RFC2: variants seen among roughly 807,000 people sequenced by gnomAD.
RFC2 encodes the protein replication factor C subunit 2.
A neutral mutation model predicts 44.8 loss-of-function variants in RFC2; 34 were observed. The ratio of observed to expected loss-of-function variants is 0.76; its 90% CI spans 0.58 to 1.01. The LOEUF (loss-of-function observed/expected upper bound fraction) is 1.01. Among genes scored for constraint, RFC2 ranks in the 50% least tolerant of loss-of-function variants. RFC2 has a pLI of 0.00. For synonymous variants in RFC2, 177 were observed against 168.9 expected, an observed-to-expected ratio of 1.05 and a Z score of -0.37; for missense variants, 400 against 453.6, an observed-to-expected ratio of 0.88 and a Z score of 1.07.
In RFC2 at chr7:74,235,643, A is replaced by C; in HGVS notation, c.843T>G (p.Ile281Met). Residue 281 changes from isoleucine to methionine, a missense_variant and splice_region_variant, in exon 10 of 11, where the codon ATT becomes ATG. Coordinates refer to ENST00000055077, the MANE Select transcript of RFC2 (RefSeq NM_181471.3). ...VNANIDEAYK[I>M]LAHLWHLGYS... ...AGCCCAGATGCCACAAGTGAGCAAG[A>C]ATCTAGACAAAGGAGACAGAAAAGG... 6.3e-7 allele frequency: 1 copy of C among 1,598,920 alleles called. No individual in the cohort carries two copies. The highest frequency in any genetic ancestry group is 8.6e-7 in the Non-Finnish European group (1 of 1,166,130).
intron 8 of RFC2, 43 bp from the exon 9 acceptor site, chr7:74,237,485 C>G: frequency 7.2e-7 from 1 of 1,386,696 alleles, no homozygotes; most frequent in Non-Finnish European, 9.9e-7. Context: ...CTAGAAGGGA[C>G]AATGTGAGCG....
At chr7:74,241,503 C>G (rs782089014) in intron 6 of RFC2, among the ~76,000 whole-genome samples, 1 of 152,184 alleles carries the variant, frequency 6.6e-6, no homozygotes, top group Non-Finnish European at 1.5e-5. Context: ...TTTGGTAATG[C>G]GCTCGTCGGC....
At position 74,254,335 on chromosome 7, in the gene RFC2, C is replaced by G. The variant is rs1431763268; in HGVS notation, c.49G>C (p.Asp17His). Residue 17 changes from aspartate to histidine, a missense_variant, in exon 1 of 11, where the codon GAC becomes CAC. By Grantham distance (81) the Asp-to-His change is moderately conservative (BLOSUM62 -1). Transcript: ENST00000055077. Reference sequence around the variant, plus strand: ...CTGAAGGCAGGGGCAGGGTCAGAGTCCTGGGCCTCCACCTCGCCCGCGCCA... The same window carrying G: ...CTGAAGGCAGGGGCAGGGTCAGAGTGCTGGGCCTCCACCTCGCCCGCGCCA... ...CGGAGEVEAQ[D>H]SDPAPAFSKA... is the part of the protein sequence containing the mutation. 1 of 1,611,488 alleles carries G rather than the reference C, an allele frequency of 6.2e-7. No individual in the cohort carries two copies. The highest frequency in any genetic ancestry group is 8.5e-7 in the Non-Finnish European group (1 of 1,179,224).
chr7:74,237,758 A>C (rs915032451), intron 8 of RFC2, among the ~76,000 whole-genome samples: 3 of 152,178 alleles, frequency 2.0e-5, no homozygotes, highest in Non-Finnish European at 4.4e-5. Context: ...TTGGGGGGTC[A>C]GTTGCCCAGA....
At chr7:74,251,991 C>G (rs1554721163) in intron 2 of RFC2, among the ~76,000 whole-genome samples, 3 of 138,610 alleles carry the variant, frequency 2.2e-5, no homozygotes, top group Non-Finnish European at 3.1e-5. Flanking sequence ...CCCAGTTACT[C>G]CGGAGGCTGA....
chr7:74,237,332 C>T, intron 9 of RFC2, 30 bp downstream of exon 9: 1 of 1,552,090 alleles, frequency 6.4e-7, no homozygotes, highest in Non-Finnish European at 8.8e-7. Context: ...TGAGCGGTTC[C>T]TCTGCCAGGA....
At chr7:74,235,734 A>G in intron 9 of RFC2, 89 bp from the exon 10 acceptor site, 2 of 848,766 alleles carry the variant, frequency 2.4e-6, no homozygotes, top group African/African-American at 1.7e-5. Flanking sequence ...GGTGGGGCCC[A>G]CCCTTCAGGT....
rs1554717236 is a variant in RFC2 at position 74,232,077 on chromosome 7, C to T, written c.*29G>A. 2 of 1,349,306 alleles carry T rather than the reference C, an allele frequency of 1.5e-6. No homozygotes were observed. The highest frequency in any genetic ancestry group is 2.9e-5 in the African/African-American group (2 of 69,740). 83.6% of individuals were successfully genotyped at this position (1,349,306 alleles called of 1,614,324 possible). On this transcript the variant is annotated 3_prime_UTR_variant, in exon 11 of 11. Transcript: ENST00000055077. ...GGCTCCTGTACCTCAGAATAGGGCA[C>T]CTGTAAGTCAGTCAGTGAAGTCTCT...
chr7:74,237,642 A>T (rs1803096966), intron 8 of RFC2, among the ~76,000 whole-genome samples, 200 bp from the exon 9 acceptor site: 1 of 152,204 alleles, frequency 6.6e-6, no homozygotes, highest in South Asian at 2.1e-4. Context: ...CCAGGAAGAT[A>T]AATTTCCCAA....
At chr7:74,246,132 G>A (rs1803588571) in intron 5 of RFC2, among the ~76,000 whole-genome samples, 1 of 151,712 alleles carries the variant, frequency 6.6e-6, no homozygotes, top group African/African-American at 2.4e-5. Context: ...GGAGGCGGAG[G>A]TTGCAGTGAG....
chr7:74,254,357 G>A lies in RFC2; in HGVS notation c.27C>T (p.Gly9=). The A allele has an allele frequency of 1.9e-6, 3 of 1,608,828 alleles. No individual in the cohort carries two copies. Among genetic ancestry groups the A allele is most frequent in the Non-Finnish European group, 2.5e-6 (3 of 1,177,858 alleles). The change falls in exon 1 of 11, where the codon GGC becomes GGT. Residue 9 remains glycine, a synonymous_variant. Coordinates refer to ENST00000055077, the MANE Select transcript of RFC2 (RefSeq NM_181471.3). ...AGTCCTGGGCCTCCACCTCGCCCGC[G>A]CCACCACAGACGGCCTCCACCTCCA... MEVEAVCG[G]AGEVEAQDSD... is the part of the protein sequence containing the mutation.
intron 3 of RFC2, 51 bp downstream of exon 3, chr7:74,249,688 C>T (rs781997707): frequency 6.8e-6 from 10 of 1,469,436 alleles, no homozygotes; most frequent in Admixed American, 6.7e-5. Flanking sequence ...GTTCAGCGGA[C>T]AGTGGGATGA....
At chr7:74,244,096 C>CAAAAAAAAAAA (rs1179272254) in intron 5 of RFC2, among the ~76,000 whole-genome samples, 4 of 41,624 alleles carry the variant, frequency 9.6e-5, no homozygotes, top group Admixed American at 2.9e-4. Flanking sequence ...ACTAAAAATA[C>CAAAAAAAAAAA]AAAAAAAAAA....
chr7:74,252,992 G>A (rs1554721399), intron 1 of RFC2, among the ~76,000 whole-genome samples: 1 of 152,192 alleles, frequency 6.6e-6, no homozygotes, highest in Admixed American at 6.6e-5. Flanking sequence ...CATTTGAAAA[G>A]TTAAAGGCAT....
At chr7:74,239,141 C>T (rs961958938) in intron 7 of RFC2, among the ~76,000 whole-genome samples, 153 bp from the exon 8 acceptor site, 7 of 149,788 alleles carry the variant, frequency 4.7e-5, no homozygotes, top group African/African-American at 1.7e-4. Flanking sequence ...GGATTACAGG[C>T]ATGAGCCACC....
At chr7:74,243,334 A>G (rs782513800) in intron 5 of RFC2, 88 bp from the exon 6 acceptor site, 31 of 847,714 alleles carry the variant, frequency 3.7e-5, no homozygotes, top group South Asian at 3.5e-4. Flanking sequence ...GACATAAGAC[A>G]CATCCAATGT....
At chr7:74,245,714 CAA>C (rs1182981268) in intron 5 of RFC2, among the ~76,000 whole-genome samples, 37 of 65,780 alleles carry the variant, frequency 5.6e-4, no homozygotes, top group African/African-American at 6.5e-4. Context: ...CTCCGTCTCA[CAA>C]AAAAAAAAAA....
intron 5 of RFC2, 130 bp downstream of exon 5, chr7:74,246,532 C>A (rs1007639166): frequency 3.6e-6 from 2 of 551,772 alleles, no homozygotes; most frequent in South Asian, 2.3e-5. Flanking sequence ...AAGGTGCAGG[C>A]CCCTATTAAA....
Position 74,252,840 on chromosome 7 carries a change from C to T in RFC2, c.114-342G>A, listed in dbSNP as rs3135658. Among the ~76,000 whole-genome samples, 21 of 152,244 alleles carry T rather than the reference C, an allele frequency of 1.4e-4. 1 individual carries two copies. The East Asian group carries it at 4.0e-3, about 29-fold the overall frequency. On this transcript the variant is annotated intron_variant, in intron 1 of 10. Coordinates refer to ENST00000055077, the MANE Select transcript of RFC2 (RefSeq NM_181471.3). ...ATCCCAGCTACTTGGGAGGCTAAGG[C>T]ACAGTAGCTCGAACCTGGGAGGCAG...
Sources: gnomAD v4.1 joint callset for allele counts (sites outside exome capture counted in the v4.1 genomes callset) on GRCh38, gnomAD v4.1.1 for gene constraint, MANE v1.5 for transcripts, NCBI Gene and HGNC (gene_info 2026-07-23, HGNC 2026-07-21) for gene names.